Variants in GREB1L observed in about 807,000 individuals in gnomAD.
GREB1L encodes GREB1 like retinoic acid receptor coactivator.
GREB1L carries 17 observed loss-of-function variants against 200.8 expected under a neutral mutation model. The observed-to-expected ratio is 0.08, with a 90% CI of 0.06 to 0.13. The LOEUF (loss-of-function observed/expected upper bound fraction) is 0.13. GREB1L is among the 10% of genes least tolerant of loss of function. The pLI, the probability that GREB1L is intolerant of heterozygous loss-of-function variation, is 1.00. For missense variants in GREB1L, 1,657 were observed against 2,367.7 expected (o/e 0.70, Z 6.23); for synonymous variants, 789 against 893.0 (o/e 0.88, Z 2.08).
intron 15 of GREB1L, among the ~76,000 whole-genome samples, chr18:21,466,522 A>G (rs1413095846): frequency 1.3e-5 from 2 of 152,166 alleles, no homozygotes. Context: ...AGAATATCCA[A>G]AAAATACATA....
intron 15 of GREB1L, among the ~76,000 whole-genome samples, chr18:21,458,860 T>A (rs2034901760): frequency 6.6e-6 from 1 of 152,152 alleles, no homozygotes; most frequent in Admixed American, 6.5e-5. Flanking sequence ...AAATCTGAAG[T>A]GGTAGCATAA....
At chr18:21,392,423 G>T (rs761824708) in intron 4 of GREB1L, among the ~76,000 whole-genome samples, 14 of 151,922 alleles carry the variant, frequency 9.2e-5, no homozygotes, top group Non-Finnish European at 1.3e-4. Context: ...TAATATGACC[G>T]ACATATTTAA....
intron 6 of GREB1L, among the ~76,000 whole-genome samples, chr18:21,402,891 C>T (rs1310555188): frequency 2.0e-5 from 3 of 151,286 alleles, no homozygotes; most frequent in Admixed American, 6.6e-5. Flanking sequence ...TATTTTGGAG[C>T]TGAAATTATA....
intron 1 of GREB1L, among the ~76,000 whole-genome samples, chr18:21,269,170 G>A (rs527913460): frequency 2.6e-5 from 4 of 152,216 alleles, no homozygotes; most frequent in South Asian, 2.1e-4. Context: ...AGTGCAAAGC[G>A]ATCTCAAAAT....
chr18:21,504,758 G>C (rs2036943679), intron 23 of GREB1L, among the ~76,000 whole-genome samples: 1 of 152,168 alleles, frequency 6.6e-6, no homozygotes. Flanking sequence ...GATCCCAGGT[G>C]GTTGAGGCTG....
chr18:21,497,818 C>CA (rs1358975448), intron 21 of GREB1L, among the ~76,000 whole-genome samples: 1 of 127,090 alleles, frequency 7.9e-6, no homozygotes, highest in Non-Finnish European at 1.7e-5. Context: ...ACCACCCCCC[C>CA]CCCTTTTTTT....
At chr18:21,306,482 C>T (rs544275105) in intron 1 of GREB1L, among the ~76,000 whole-genome samples, 1 of 152,316 alleles carries the variant, frequency 6.6e-6, no homozygotes, top group African/African-American at 2.4e-5. Context: ...TTTATCAGTT[C>T]TGCATACTTT....
chr18:21,430,270 A>T (rs148179327), intron 7 of GREB1L, among the ~76,000 whole-genome samples: 2 of 151,748 alleles, frequency 1.3e-5, no homozygotes, highest in East Asian at 3.9e-4. Context: ...TTTGTTTATA[A>T]TGCTTTTTTT....
At chr18:21,493,435 C>T (rs546760280) in intron 19 of GREB1L, among the ~76,000 whole-genome samples, 2 of 152,218 alleles carry the variant, frequency 1.3e-5, no homozygotes, top group South Asian at 4.2e-4. Flanking sequence ...ATCTTGAGGG[C>T]CTGATTGATG....
chr18:21,459,345 G>A (rs2034931432), intron 15 of GREB1L, among the ~76,000 whole-genome samples: 3 of 144,506 alleles, frequency 2.1e-5, no homozygotes, highest in Admixed American at 7.2e-5. Context: ...GAGTGCAGTG[G>A]CACAATCTCG....
intron 15 of GREB1L, among the ~76,000 whole-genome samples, chr18:21,460,327 A>C (rs1350132735): frequency 6.6e-6 from 1 of 152,068 alleles, no homozygotes; most frequent in African/African-American, 2.4e-5. Flanking sequence ...GGCATGTGCC[A>C]CCATGCCCAG....
chr18:21,350,238 C>CTTT (rs1019497941), intron 1 of GREB1L, among the ~76,000 whole-genome samples: 2 of 133,280 alleles, frequency 1.5e-5, no homozygotes, highest in Middle Eastern at 3.9e-3. Context: ...TTCTTTCTTT[C>CTTT]TTTTTTTTTT....
chr18:21,451,341 T>C, intron 13 of GREB1L, 190 bp downstream of exon 13: 1 of 550,462 alleles, frequency 1.8e-6, no homozygotes, highest in Non-Finnish European at 3.1e-6. Context: ...GGAAGGCCCA[T>C]TGGTACTGGA....
Position 21,499,842 on chromosome 18 carries a change from G to T in GREB1L, c.3505G>T (p.Val1169Phe), listed in dbSNP as rs905150704. Residue 1169 changes from valine to phenylalanine, a missense_variant, in exon 22 of 33, where the codon GTC becomes TTC. Val to Phe is a conservative substitution (Grantham distance 50, BLOSUM62 -1). Coordinates refer to ENST00000424526, the MANE Select transcript of GREB1L (RefSeq NM_001142966.3). Reference protein sequence around the residue: ...PATSLGLDEGVSASSAGAGAG... With the variant: ...PATSLGLDEGFSASSAGAGAG... Reference sequence around the variant, plus strand: ...CACCAGCTTGGGGCTGGATGAAGGGGTCTCCGCCAGCTCAGCTGGAGCCGG... The same window carrying T: ...CACCAGCTTGGGGCTGGATGAAGGGTTCTCCGCCAGCTCAGCTGGAGCCGG... 6.4e-7 allele frequency: 1 copy of T among 1,551,422 alleles called. No homozygotes were observed. The highest frequency in any genetic ancestry group is 1.4e-5 in the African/African-American group (1 of 73,032).
intron 7 of GREB1L, among the ~76,000 whole-genome samples, chr18:21,415,161 G>A (rs1172625016): frequency 1.3e-5 from 2 of 152,148 alleles, no homozygotes; most frequent in African/African-American, 4.8e-5. Context: ...TCCCTCAAAT[G>A]TTCAACATAG....
At chr18:21,459,372 G>A (rs1328430192) in intron 15 of GREB1L, among the ~76,000 whole-genome samples, 1 of 132,482 alleles carries the variant, frequency 7.5e-6, no homozygotes, top group Non-Finnish European at 1.5e-5. Context: ...TGCAACCTCC[G>A]CCCTTCAGGT....
chr18:21,496,391 C>G (rs971000441), intron 20 of GREB1L, 63 bp from the exon 21 acceptor site: 10 of 1,515,638 alleles, frequency 6.6e-6, no homozygotes, highest in Non-Finnish European at 8.9e-6. Context: ...GATCACCAGG[C>G]ACACATACAC....
chr18:21,362,862 C>T (rs2039599352), intron 1 of GREB1L, among the ~76,000 whole-genome samples: 1 of 152,188 alleles, frequency 6.6e-6, no homozygotes, highest in Non-Finnish European at 1.5e-5. Flanking sequence ...GCAGAGTCTC[C>T]TGCATCTACA....
At chr18:21,307,957 G>A (rs2038729148) in intron 1 of GREB1L, among the ~76,000 whole-genome samples, 2 of 152,304 alleles carry the variant, frequency 1.3e-5, no homozygotes, top group Non-Finnish European at 2.9e-5. Context: ...AATTAGAGCA[G>A]TATCCCTTTT....
Sources: gnomAD v4.1 joint callset for allele counts (sites outside exome capture counted in the v4.1 genomes callset) on GRCh38, gnomAD v4.1.1 for gene constraint, MANE v1.5 for transcripts, NCBI Gene and HGNC (gene_info 2026-07-23, HGNC 2026-07-21) for gene names.